The following SMYD3 variants were observed in gnomAD, a reference collection of about 807,000 sequenced individuals.
SMYD3 encodes histone-lysine N-methyltransferase SMYD3.
A neutral mutation model predicts 57.7 loss-of-function variants in SMYD3; 36 were observed. The ratio of observed to expected loss-of-function variants is 0.62; its 90% CI spans 0.48 to 0.82. The LOEUF (loss-of-function observed/expected upper bound fraction) is 0.82. SMYD3 is among the 40% of genes least tolerant of loss of function. The pLI is 0.00. For synonymous variants in SMYD3, 211 were observed against 195.0 expected, an observed-to-expected ratio of 1.08 and a Z score of -0.68; for missense variants, 515 against 538.8, an observed-to-expected ratio of 0.96 and a Z score of 0.44.
chr1:246,179,478 C>T (rs563958673), intron 5 of SMYD3, among the ~76,000 whole-genome samples: 2 of 152,242 alleles, frequency 1.3e-5, no homozygotes, highest in African/African-American at 4.8e-5. Context: ...CTCAATTTTG[C>T]CACTCTGAAA....
At chr1:245,905,858 T>G (rs1221896323) in intron 8 of SMYD3, among the ~76,000 whole-genome samples, 1 of 152,172 alleles carries the variant, frequency 6.6e-6, no homozygotes, top group African/African-American at 2.4e-5. Flanking sequence ...ACACCTATGG[T>G]GAACTAATTT....
At chr1:245,750,281 A>G (rs1436773115) in intron 11 of SMYD3, among the ~76,000 whole-genome samples, 1 of 152,206 alleles carries the variant, frequency 6.6e-6, no homozygotes, top group African/African-American at 2.4e-5. Flanking sequence ...ACTAGGTCAA[A>G]AAGGCCTCTG....
At chr1:246,262,185 T>C (rs2064024398) in intron 5 of SMYD3, among the ~76,000 whole-genome samples, 1 of 152,212 alleles carries the variant, frequency 6.6e-6, no homozygotes, top group African/African-American at 2.4e-5. Flanking sequence ...GTGTATGATA[T>C]TTTTGTGTGT....
At chr1:245,915,475 A>G in intron 8 of SMYD3, 55 bp downstream of exon 8, 1 of 1,129,426 alleles carries the variant, frequency 8.9e-7, no homozygotes, top group Admixed American at 1.8e-5. Context: ...GAGTTCTCTG[A>G]AGATCATTGA....
chr1:246,152,797 A>T (rs913667141), intron 5 of SMYD3, among the ~76,000 whole-genome samples: 1 of 152,170 alleles, frequency 6.6e-6, no homozygotes, highest in African/African-American at 2.4e-5. Context: ...ACCCAGATTT[A>T]ACCTTTCTCA....
intron 8 of SMYD3, among the ~76,000 whole-genome samples, chr1:245,881,823 G>C (rs914930800): frequency 6.6e-6 from 1 of 152,172 alleles, no homozygotes; most frequent in Non-Finnish European, 1.5e-5. Context: ...GCTGAAGAAT[G>C]ATGATGAGCT....
chr1:246,002,153 TCC>T (rs1220313122), intron 5 of SMYD3, among the ~76,000 whole-genome samples: 1 of 152,094 alleles, frequency 6.6e-6, no homozygotes, highest in Non-Finnish European at 1.5e-5. Context: ...GTGAGGAGAC[TCC>T]GGTCTGACGG....
chr1:246,387,912 G>T (rs12569081), intron 1 of SMYD3, among the ~76,000 whole-genome samples: 18,209 of 48,526 alleles, frequency 0.38, 3,482 homozygotes, highest in Middle Eastern at 0.5. Context: ...CATTCATTCT[G>T]GAAAATCACC....
At chr1:246,248,908 A>G (rs2063755792) in intron 5 of SMYD3, among the ~76,000 whole-genome samples, 1 of 146,404 alleles carries the variant, frequency 6.8e-6, no homozygotes. Context: ...CGCGCGCCTC[A>G]GCCTCCCAAA....
chr1:246,364,125 C>T (rs1436363142), intron 1 of SMYD3, among the ~76,000 whole-genome samples: 3 of 151,662 alleles, frequency 2.0e-5, no homozygotes, highest in Non-Finnish European at 4.4e-5. Flanking sequence ...CTGGAGCTTC[C>T]CAGAGGAAGC....
At chr1:246,333,901 A>G (rs1203490752) in intron 3 of SMYD3, among the ~76,000 whole-genome samples, 1 of 152,114 alleles carries the variant, frequency 6.6e-6, no homozygotes, top group African/African-American at 2.4e-5. Flanking sequence ...AGTGAAAATA[A>G]AAAGTGCACA....
At chr1:246,083,214 C>A (rs2787954) in intron 5 of SMYD3, among the ~76,000 whole-genome samples, 3 of 146,584 alleles carry the variant, frequency 2.0e-5, no homozygotes, top group Non-Finnish European at 4.6e-5. Context: ...GGAATGTCTC[C>A]GTGTAAAACC....
At position 246,231,454 on chromosome 1, in the gene SMYD3, A is replaced by G. The variant is rs527747681; in HGVS notation, c.531+95747T>C. Among the ~76,000 whole-genome samples, 3 of 152,348 alleles carry G rather than the reference A, an allele frequency of 2.0e-5. No homozygotes were observed. In the East Asian group the frequency reaches 5.8e-4, roughly 29 times the overall value. ...GTAATATAACAAATTTTATGCACCA[A>G]TAATTTTTTACAGTATTCAGAAAAG... On this transcript the variant is annotated intron_variant, in intron 5 of 11. Transcript: ENST00000490107.
At chr1:245,932,451 A>G (rs1210789820) in intron 5 of SMYD3, among the ~76,000 whole-genome samples, 2 of 152,196 alleles carry the variant, frequency 1.3e-5, no homozygotes, top group African/African-American at 4.8e-5. Context: ...TTTACTTGCC[A>G]TCATACACAA....
intron 2 of SMYD3, among the ~76,000 whole-genome samples, chr1:246,349,785 G>A (rs2065792326): frequency 6.6e-6 from 1 of 152,156 alleles, no homozygotes; most frequent in African/African-American, 2.4e-5. Context: ...TATATCTGAT[G>A]TTCTAATGAA....
In SMYD3 at chr1:246,185,683, G is replaced by A. The variant is rs147907583; in HGVS notation, c.531+141518C>T. Among the ~76,000 whole-genome samples the A allele has an allele frequency of 3.0e-3, 463 of 152,136 alleles. 2 individuals carry two copies. Among genetic ancestry groups the A allele is most frequent in the African/African-American group, 0.011 (449 of 41,524 alleles). On this transcript the variant is annotated intron_variant, in intron 5 of 11. Transcript: ENST00000490107. ...TCACCATGTTAGCCAGGATGGTCTC[G>A]ATCTCCTGATTTCGTGATCACCCGC...
intron 11 of SMYD3, among the ~76,000 whole-genome samples, chr1:245,762,932 C>G (rs556925836): frequency 1.2e-3 from 185 of 152,226 alleles, no homozygotes; most frequent in African/African-American, 4.2e-3. Context: ...GATACCCGCA[C>G]GCCAGGTCTC....
intron 5 of SMYD3, among the ~76,000 whole-genome samples, chr1:246,261,323 C>T (rs1203905305): frequency 1.3e-5 from 2 of 150,964 alleles, no homozygotes; most frequent in East Asian, 3.9e-4. Context: ...TCCCAAAGTG[C>T]TGGGATTACA....
At chr1:245,815,373 T>C (rs377731384) in intron 10 of SMYD3, among the ~76,000 whole-genome samples, 1 of 152,236 alleles carries the variant, frequency 6.6e-6, no homozygotes, top group African/African-American at 2.4e-5. Context: ...TTTCCTTCCA[T>C]CCCAATCTCC....
Sources: allele counts gnomAD v4.1 joint callset (sites outside exome capture counted in the v4.1 genomes callset), GRCh38; gene constraint gnomAD v4.1.1; transcripts MANE v1.5; gene names NCBI Gene and HGNC (gene_info 2026-07-23, HGNC 2026-07-21).